MACROD2: variants seen among roughly 807,000 people sequenced by gnomAD.
MACROD2 encodes ADP-ribose glycohydrolase MACROD2.
MACROD2 carries 36 observed loss-of-function variants against 70.4 expected under a neutral mutation model. That is an observed-to-expected ratio of 0.51 (90% CI 0.39 to 0.68). The LOEUF (loss-of-function observed/expected upper bound fraction) is 0.68. Among genes scored for constraint, MACROD2 ranks in the 30% least tolerant of loss-of-function variants. The pLI, the probability that MACROD2 is intolerant of heterozygous loss-of-function variation, is 0.00. For missense variants in MACROD2, 496 were observed against 538.4 expected, an observed-to-expected ratio of 0.92 and a Z score of 0.78; for synonymous variants, 172 against 178.8, an observed-to-expected ratio of 0.96 and a Z score of 0.30.
chr20:15,066,246 C>T (rs1220879579), intron 5 of MACROD2, among the ~76,000 whole-genome samples: 1 of 151,976 alleles, frequency 6.6e-6, no homozygotes, highest in Non-Finnish European at 1.5e-5. Flanking sequence ...ATTCTCCTGC[C>T]TCAGCCTCTG....
At position 15,073,466 on chromosome 20, in the gene MACROD2, AACACACACACACACACACACACAC is replaced by A. The variant is rs11468103; in HGVS notation, c.419-156453_419-156430del. 4.2e-4 allele frequency among the ~76,000 whole-genome samples: 61 copies of A among 144,054 alleles called. 1 individual carries two copies. Among genetic ancestry groups the A allele is most frequent in the Admixed American group, 2.7e-3 (39 of 14,308 alleles). The allele number at this position is 144,054 out of a possible 152,430, so 94.5% of individuals were successfully genotyped here. Reference sequence around the variant, plus strand: ...ATTATTTCAGAAGTGTAATTCTCCCAACACACACACACACACACACACACACACACACACACACACACACGTACC... The same window carrying A: ...ATTATTTCAGAAGTGTAATTCTCCCAACACACACACACACACACACGTACC... On this transcript the variant is annotated intron_variant, in intron 5 of 17. Transcript: ENST00000684519.
rs554348785 is a variant in MACROD2 at position 14,554,920 on chromosome 20, AG to A, written c.301+61414del. On this transcript the variant is annotated intron_variant, in intron 4 of 17. Coordinates refer to ENST00000684519, the MANE Select transcript of MACROD2 (RefSeq NM_001351661.2). Reference sequence around the variant, plus strand: ...TAAATGCATGTGTGTTTTGAGACCAAGGTTTTTTGTTTGTTTTAATATTTTG... The same window carrying A: ...TAAATGCATGTGTGTTTTGAGACCAAGTTTTTTGTTTGTTTTAATATTTTG... Among the ~76,000 whole-genome samples, 246 of 152,152 alleles carry A rather than the reference AG, an allele frequency of 1.6e-3. 1 individual carries two copies. The highest frequency in any genetic ancestry group is 5.4e-3 in the African/African-American group (225 of 41,520).
intron 5 of MACROD2, among the ~76,000 whole-genome samples, chr20:15,076,998 A>G (rs189391563): frequency 6.6e-6 from 1 of 152,292 alleles, no homozygotes; most frequent in Non-Finnish European, 1.5e-5. Context: ...CATTTTAACA[A>G]TGTTTACAGT....
chr20:15,371,014 A>G (rs563107246), intron 6 of MACROD2, among the ~76,000 whole-genome samples: 1 of 152,270 alleles, frequency 6.6e-6, no homozygotes, highest in Non-Finnish European at 1.5e-5. Flanking sequence ...ATAGACACAC[A>G]TTCAGTACAT....
At chr20:14,111,519 A>T (rs1218773241) in intron 3 of MACROD2, among the ~76,000 whole-genome samples, 2 of 152,066 alleles carry the variant, frequency 1.3e-5, no homozygotes, top group African/African-American at 4.8e-5. Flanking sequence ...TAGGAAAAAA[A>T]TATAATAATC....
intron 4 of MACROD2, among the ~76,000 whole-genome samples, chr20:14,588,271 T>C (rs975328970): frequency 6.6e-6 from 1 of 152,162 alleles, no homozygotes; most frequent in African/African-American, 2.4e-5. Flanking sequence ...AAATCGTTCA[T>C]TTAATTTAAA....
rs1299142283 is a variant in MACROD2, at chr20:14,731,002, C to T, written c.418+46043C>T. 2.7e-5 allele frequency among the ~76,000 whole-genome samples: 3 copies of T among 112,364 alleles called. No homozygotes were observed. The East Asian group carries it at 1.2e-3, about 46-fold the overall frequency. 73.7% of individuals were successfully genotyped at this position (112,364 alleles called of 152,430 possible). A position where few individuals can be genotyped will look rare whatever the true frequency, so the allele number is the denominator to read the frequency against. On this transcript the variant is annotated intron_variant, in intron 5 of 17. Coordinates refer to ENST00000684519, the MANE Select transcript of MACROD2 (RefSeq NM_001351661.2). ...TAGCACACACACACACACACACACA[C>T]ACACACATGCACACACACACTCACA...
intron 6 of MACROD2, among the ~76,000 whole-genome samples, chr20:15,370,177 C>T (rs978837759): frequency 6.6e-6 from 1 of 152,130 alleles, no homozygotes; most frequent in Non-Finnish European, 1.5e-5. Context: ...GATGAAGCCA[C>T]TGTGATTATC....
At chr20:15,726,543 A>G (rs752697301) in intron 8 of MACROD2, among the ~76,000 whole-genome samples, 2 of 152,136 alleles carry the variant, frequency 1.3e-5, no homozygotes, top group Non-Finnish European at 2.9e-5. Context: ...TTGCATTCCT[A>G]TCAGCAGTGT....
chr20:14,639,025 T>C (rs1047744792), intron 4 of MACROD2, among the ~76,000 whole-genome samples: 4 of 152,098 alleles, frequency 2.6e-5, no homozygotes, highest in Non-Finnish European at 4.4e-5. Context: ...ATAGTAGGCA[T>C]TGTGATGGTA....
chr20:14,500,584 G>A (rs1305047278), intron 4 of MACROD2, among the ~76,000 whole-genome samples: 2 of 152,164 alleles, frequency 1.3e-5, no homozygotes, highest in Admixed American at 6.5e-5. Context: ...GGTGGGGAGG[G>A]TTCAAAATCC....
At chr20:14,786,396 T>C (rs1487822392) in intron 5 of MACROD2, among the ~76,000 whole-genome samples, 1 of 152,040 alleles carries the variant, frequency 6.6e-6, no homozygotes, top group Non-Finnish European at 1.5e-5. Context: ...GGTCCTTAAC[T>C]CTTAATATCC....
In MACROD2 at chr20:14,458,179, TGAG is replaced by T. The variant is rs949309023; in HGVS notation, c.272-35298_272-35296del. On this transcript the variant is annotated intron_variant, in intron 3 of 17. Coordinates refer to ENST00000684519, the MANE Select transcript of MACROD2 (RefSeq NM_001351661.2). The stretch of plus-strand genomic sequence containing the variant: ...AGAGCTTACAATTTAGATATTTAGA[TGAG>T]GTATCTTAAATGAAGACTATTTGAC... Among the ~76,000 whole-genome samples the T allele has an allele frequency of 6.6e-5, 10 of 152,198 alleles. No individual in the cohort carries two copies. The East Asian group carries it at 1.9e-3, about 29-fold the overall frequency.
chr20:14,916,636 G>A (rs2074095483), intron 5 of MACROD2, among the ~76,000 whole-genome samples: 1 of 152,166 alleles, frequency 6.6e-6, no homozygotes. Context: ...TGATAAATAT[G>A]TCATAAAACA....
intron 3 of MACROD2, among the ~76,000 whole-genome samples, chr20:14,257,173 G>T (rs1339795959): frequency 6.6e-6 from 1 of 152,190 alleles, no homozygotes; most frequent in African/African-American, 2.4e-5. Context: ...AGAGAGACTT[G>T]TTAATGTAAA....
At chr20:15,004,178 C>G (rs1000026163) in intron 5 of MACROD2, among the ~76,000 whole-genome samples, 4 of 152,214 alleles carry the variant, frequency 2.6e-5, no homozygotes, top group Middle Eastern at 3.2e-3. Flanking sequence ...GTCTATTAAA[C>G]TCTTTCAACT....
intron 5 of MACROD2, among the ~76,000 whole-genome samples, chr20:14,709,439 G>A (rs2071311392): frequency 6.6e-6 from 1 of 152,060 alleles, no homozygotes; most frequent in African/African-American, 2.4e-5. Context: ...GGGTGTTTGG[G>A]TGTATAAAAG....
rs1177498607 is a variant in MACROD2, at chr20:15,234,012, C to CTTTTTTTTTTTTTTTTTTTTTTT, written c.540+3966_540+3988dup. ...ATATATATATATATATATATATATT[C>CTTTTTTTTTTTTTTTTTTTTTTT]TTTTTTTTTTTTTTTTTTTTTTTTT... On this transcript the variant is annotated intron_variant, in intron 6 of 17. Transcript: ENST00000684519. 1.7e-4 allele frequency among the ~76,000 whole-genome samples: 5 copies of CTTTTTTTTTTTTTTTTTTTTTTT among 29,182 alleles called. 1 individual carries two copies. The highest frequency in any genetic ancestry group is 1.7e-4 in the Non-Finnish European group (3 of 17,362). 19.1% of individuals were successfully genotyped at this position (29,182 alleles called of 152,430 possible). A position where few individuals can be genotyped will look rare whatever the true frequency, so the allele number is the denominator to read the frequency against.
chr20:14,758,557 A>G (rs1400798983), intron 5 of MACROD2, among the ~76,000 whole-genome samples: 1 of 152,148 alleles, frequency 6.6e-6, no homozygotes, highest in East Asian at 1.9e-4. Flanking sequence ...ATATTATAAC[A>G]GATGCTTTAA....
Sources: allele counts gnomAD v4.1 joint callset (sites outside exome capture counted in the v4.1 genomes callset), GRCh38; gene constraint gnomAD v4.1.1; transcripts MANE v1.5; gene names NCBI Gene and HGNC (gene_info 2026-07-23, HGNC 2026-07-21).